Variants in NWD2 observed in about 807,000 individuals in gnomAD.
The protein encoded by NWD2 is NACHT and WD repeat domain-containing protein 2.
A neutral mutation model predicts 132.7 loss-of-function variants in NWD2; 37 were observed. That is an observed-to-expected ratio of 0.28 (90% CI 0.21 to 0.37). NWD2 has a LOEUF of 0.37. Among genes scored for constraint, NWD2 ranks in the 10% least tolerant of loss-of-function variants. The probability of loss-of-function intolerance (pLI) is 1.00; values close to 1 mark genes in which losing one functional copy is unlikely to be tolerated. For synonymous variants in NWD2, 705 were observed against 803.0 expected, an observed-to-expected ratio of 0.88 and a Z score of 2.06; for missense variants, 1,592 against 2,122.4, an observed-to-expected ratio of 0.75 and a Z score of 4.91.
chr4:37,245,894 C>T (rs558997084), intron 1 of NWD2, among the ~76,000 whole-genome samples: 1 of 152,288 alleles, frequency 6.6e-6, no homozygotes, highest in African/African-American at 2.4e-5. Flanking sequence ...GCTTAAGGCA[C>T]CTGGTAGGCA....
chr4:37,264,536 A>C (rs1717710186), intron 1 of NWD2, among the ~76,000 whole-genome samples: 1 of 152,162 alleles, frequency 6.6e-6, no homozygotes, highest in Non-Finnish European at 1.5e-5. Context: ...TCATATGTCC[A>C]ACAGATATTT....
intron 1 of NWD2, among the ~76,000 whole-genome samples, chr4:37,310,509 C>G (rs1437417411): frequency 1.3e-5 from 2 of 152,032 alleles, no homozygotes; most frequent in East Asian, 3.9e-4. Context: ...AATTTGTTTT[C>G]TTTATTGCAC....
At chr4:37,333,755 G>T (rs1015734951) in intron 2 of NWD2, among the ~76,000 whole-genome samples, 12 of 152,124 alleles carry the variant, frequency 7.9e-5, no homozygotes, top group Non-Finnish European at 1.6e-4. Flanking sequence ...TCCTGACAGG[G>T]ATATTGTGAA....
At chr4:37,437,363 G>T (rs1712348680) in intron 5 of NWD2, among the ~76,000 whole-genome samples, 1 of 152,114 alleles carries the variant, frequency 6.6e-6, no homozygotes, top group African/African-American at 2.4e-5. Flanking sequence ...TCTTTTATAT[G>T]AACACGACTT....
At chr4:37,338,369 G>C (rs34369267) in intron 2 of NWD2, among the ~76,000 whole-genome samples, 5 of 152,112 alleles carry the variant, frequency 3.3e-5, no homozygotes, top group Admixed American at 3.3e-4. Flanking sequence ...TGTCTTCTTA[G>C]GGAAAAGAAG....
At chr4:37,337,978 T>A (rs1719443979) in intron 2 of NWD2, among the ~76,000 whole-genome samples, 1 of 152,212 alleles carries the variant, frequency 6.6e-6, no homozygotes, top group Admixed American at 6.5e-5. Context: ...TCTGCCACAG[T>A]GTTTCTTCGA....
At chr4:37,289,945 A>G (rs1454532763) in intron 1 of NWD2, among the ~76,000 whole-genome samples, 1 of 152,154 alleles carries the variant, frequency 6.6e-6, no homozygotes, top group Admixed American at 6.5e-5. Flanking sequence ...CCCTGCTGGA[A>G]GGTCGAATGA....
intron 5 of NWD2, among the ~76,000 whole-genome samples, chr4:37,437,265 G>A (rs1712345558): frequency 6.6e-6 from 1 of 152,094 alleles, no homozygotes; most frequent in Non-Finnish European, 1.5e-5. Flanking sequence ...AGATTCTGTG[G>A]CTGATGAGGG....
At chr4:37,284,418 C>T (rs2109269472) in intron 1 of NWD2, among the ~76,000 whole-genome samples, 1 of 152,298 alleles carries the variant, frequency 6.6e-6, no homozygotes, top group Middle Eastern at 3.4e-3. Context: ...CACAAACATT[C>T]AGACCATAGA....
chr4:37,276,845 G>A (rs1381998435), intron 1 of NWD2, among the ~76,000 whole-genome samples: 2 of 152,106 alleles, frequency 1.3e-5, no homozygotes, highest in South Asian at 2.1e-4. Flanking sequence ...GGATATGGAT[G>A]AAGCTGGAAA....
intron 3 of NWD2, among the ~76,000 whole-genome samples, chr4:37,372,969 G>A (rs114417141): frequency 1.3e-4 from 20 of 152,270 alleles, no homozygotes; most frequent in African/African-American, 3.1e-4. Flanking sequence ...AAGATACAAC[G>A]CAAAGAAAAT....
At chr4:37,306,180 T>A (rs1718704819) in intron 1 of NWD2, among the ~76,000 whole-genome samples, 1 of 152,156 alleles carries the variant, frequency 6.6e-6, no homozygotes, top group South Asian at 2.1e-4. Flanking sequence ...GTGGTATCAG[T>A]TGTAATGGTT....
At chr4:37,357,791 G>A (rs1383649423) in intron 3 of NWD2, among the ~76,000 whole-genome samples, 2 of 152,050 alleles carry the variant, frequency 1.3e-5, no homozygotes, top group Non-Finnish European at 2.9e-5. Flanking sequence ...AGAAAAGAGA[G>A]AATACCAGCG....
chr4:37,397,925 G>T (rs1560412504), intron 3 of NWD2, among the ~76,000 whole-genome samples: 2 of 152,030 alleles, frequency 1.3e-5, no homozygotes, highest in Non-Finnish European at 2.9e-5. Context: ...GCACTCATTT[G>T]GTGGAAGCCT....
intron 1 of NWD2, among the ~76,000 whole-genome samples, chr4:37,250,490 A>C (rs1278852601): frequency 3.3e-5 from 5 of 152,234 alleles, no homozygotes; most frequent in East Asian, 1.9e-4. Context: ...AAAAGAAGTC[A>C]ATGATATCAC....
chr4:37,290,447 G>A (rs570463032), intron 1 of NWD2, among the ~76,000 whole-genome samples: 2 of 152,248 alleles, frequency 1.3e-5, no homozygotes, highest in South Asian at 4.1e-4. Context: ...CTGATTGTAA[G>A]TGTGACGATA....
intron 1 of NWD2, among the ~76,000 whole-genome samples, chr4:37,270,191 A>G (rs1717837865): frequency 1.3e-5 from 2 of 151,802 alleles, no homozygotes; most frequent in Non-Finnish European, 2.9e-5. Context: ...AATAGAAGTT[A>G]TTTTATACAA....
chr4:37,319,698 T>C (rs543543979), intron 1 of NWD2, among the ~76,000 whole-genome samples: 24 of 152,122 alleles, frequency 1.6e-4, no homozygotes, highest in Admixed American at 4.6e-4. Context: ...TATGGCTAGA[T>C]AGCTATCCCA....
intron 3 of NWD2, among the ~76,000 whole-genome samples, chr4:37,415,355 C>G (rs917157054): frequency 4.6e-5 from 7 of 152,136 alleles, no homozygotes; most frequent in Admixed American, 2.0e-4. Context: ...CGTTCATATT[C>G]CCCCTTCTCA....
Sources: allele counts gnomAD v4.1 joint callset (sites outside exome capture counted in the v4.1 genomes callset), GRCh38; gene constraint gnomAD v4.1.1; transcripts MANE v1.5; gene names NCBI Gene and HGNC (gene_info 2026-07-23, HGNC 2026-07-21).